The following C1orf50 variants were observed in gnomAD, a reference collection of about 807,000 sequenced individuals.
C1orf50 encodes the protein chromosome 1 open reading frame 50.
Under a neutral mutation model 23.3 loss-of-function variants are expected in C1orf50, and 22 were observed. That is an observed-to-expected ratio of 0.94 (90% confidence interval 0.67 to 1.35). The LOEUF (loss-of-function observed/expected upper bound fraction) is 1.35. Among genes scored for constraint, C1orf50 ranks in the 40% most tolerant of loss-of-function variants. The probability of loss-of-function intolerance (pLI) is 0.00; values close to 1 mark genes in which losing one functional copy is unlikely to be tolerated. For missense variants in C1orf50, 271 were observed against 249.4 expected (o/e 1.09, Z -0.58); for synonymous variants, 96 against 102.4 (o/e 0.94, Z 0.38).
intron 2 of C1orf50, 112 bp downstream of exon 2, chr1:42,767,736 C>A (rs1653110432): frequency 1.1e-6 from 1 of 950,394 alleles, no homozygotes; most frequent in Non-Finnish European, 1.6e-6. Context: ...TTGCTCTTGT[C>A]TCCATTTTAC....
chr1:42,769,091 C>T (rs1228056394), intron 2 of C1orf50, among the ~76,000 whole-genome samples: 1 of 151,860 alleles, frequency 6.6e-6, no homozygotes, highest in East Asian at 1.9e-4. Context: ...TGGTGAAACC[C>T]CGTCTCTACT....
chr1:42,774,621 A>G (rs1448251515), intron 3 of C1orf50, 116 bp from the exon 4 acceptor site: 2 of 1,118,484 alleles, frequency 1.8e-6, no homozygotes, highest in Non-Finnish European at 1.3e-6. Context: ...ATTCATTGCT[A>G]TGGGGGAGCA....
chr1:42,770,579 T>A (rs552836370), intron 2 of C1orf50, among the ~76,000 whole-genome samples: 27 of 152,202 alleles, frequency 1.8e-4, no homozygotes, highest in Non-Finnish European at 3.7e-4. Context: ...ATTATAGACA[T>A]GTGCCGCCAT....
At chr1:42,773,360 T>G in intron 2 of C1orf50, 1 of 451,978 alleles carries the variant, frequency 2.2e-6, no homozygotes, top group Non-Finnish European at 4.1e-6. Context: ...CTCTGTGGCG[T>G]GGAGTCATGT....
At position 42,778,814 on chromosome 1, in the gene C1orf50, C is replaced by G. The variant is rs1461775500; in HGVS notation, c.*3420C>G. On this transcript the variant is annotated 3_prime_UTR_variant, in exon 5 of 5. Coordinates refer to ENST00000372525, the MANE Select transcript of C1orf50 (RefSeq NM_024097.4). ...TGGACTGGGGAATATGAGAGAAGAA[C>G]TAATGGAAGGATTTGGGGAGGCTGG... The G allele has an allele frequency of 4.6e-5, 7 of 152,098 alleles. No individual in the cohort carries two copies. The highest frequency in any genetic ancestry group is 4.6e-4 in the Admixed American group (7 of 15,252). 9.4% of individuals were successfully genotyped at this position (152,098 alleles called of 1,614,324 possible).
At chr1:42,772,477 G>T (rs2124189789) in intron 2 of C1orf50, among the ~76,000 whole-genome samples, 1 of 152,254 alleles carries the variant, frequency 6.6e-6, no homozygotes, top group African/African-American at 2.4e-5. Flanking sequence ...TTGAGAATTT[G>T]ATCTATTTTA....
In C1orf50 at chr1:42,776,780, G is replaced by C. The variant is rs914085274; in HGVS notation, c.*1386G>C. The C allele has an allele frequency of 6.6e-6, 1 of 152,266 alleles. No homozygotes were observed. Among genetic ancestry groups the C allele is most frequent in the African/African-American group, 2.4e-5 (1 of 41,458 alleles). The allele number at this position is 152,266 out of a possible 1,614,324, so 9.4% of individuals were successfully genotyped here. On this transcript the variant is annotated 3_prime_UTR_variant, in exon 5 of 5. Transcript: ENST00000372525. ...AAGAGACATTAGTGGTAGAGTAGTGGATTCTGACTACAGAAAGTTTCCCAG... is the reference window on the plus strand; with the variant it reads ...AAGAGACATTAGTGGTAGAGTAGTGCATTCTGACTACAGAAAGTTTCCCAG...
Position 42,778,202 on chromosome 1 carries a change from C to G in C1orf50, c.*2808C>G, listed in dbSNP as rs1653376240. 6.6e-6 allele frequency: 1 copy of G among 152,048 alleles called. No individual in the cohort carries two copies. The highest frequency in any genetic ancestry group is 6.6e-5 in the Admixed American group (1 of 15,252). The allele number at this position is 152,048 out of a possible 1,614,324, so 9.4% of individuals were successfully genotyped here. A position where few individuals can be genotyped will look rare whatever the true frequency, so the allele number is the denominator to read the frequency against. On this transcript the variant is annotated 3_prime_UTR_variant, in exon 5 of 5. Transcript: ENST00000372525. Reference sequence around the variant, plus strand: ...TTCATTTACCCATCCATCTGTTCACCTGATAATTTCATTAGTGTTAAGTGC... The same window carrying G: ...TTCATTTACCCATCCATCTGTTCACGTGATAATTTCATTAGTGTTAAGTGC...
chr1:42,775,245 G>A lies in C1orf50; in HGVS notation c.451G>A (p.Ala151Thr). The change falls in exon 5 of 5, where the codon GCC becomes ACC. Residue 151 changes from alanine (A) to threonine (T), a missense_variant. By Grantham distance (58) the Ala-to-Thr change is moderately conservative. Coordinates refer to ENST00000372525, the MANE Select transcript of C1orf50 (RefSeq NM_024097.4). ...AAGTTGTCCACATGACTTCCTTGGT[G>A]CCTACAAACTACAGCATGACTTGTC... is the stretch of plus-strand genomic sequence containing the variant. ...GTSCPHDFLG[A>T]YKLQHDLSWT... 6.2e-7 allele frequency: 1 copy of A among 1,603,392 alleles called. No homozygotes were observed. The highest frequency in any genetic ancestry group is 8.5e-7 in the Non-Finnish European group (1 of 1,170,978).
At chr1:42,772,212 A>G (rs192341717) in intron 2 of C1orf50, among the ~76,000 whole-genome samples, 6 of 152,236 alleles carry the variant, frequency 3.9e-5, no homozygotes, top group African/African-American at 1.4e-4. Context: ...TAAATGACTC[A>G]GTTTACTTGT....
At position 42,774,646 on chromosome 1, in the gene C1orf50, G is replaced by T. The variant is rs1570495166; in HGVS notation, c.283-91G>T. 26 of 1,444,880 alleles carry T rather than the reference G, an allele frequency of 1.8e-5. No individual in the cohort carries two copies. The East Asian group carries it at 6.0e-4, about 33-fold the overall frequency. 89.5% of individuals were successfully genotyped at this position (1,444,880 alleles called of 1,614,324 possible). On this transcript the variant is annotated intron_variant, in intron 3 of 4. Transcript: ENST00000372525. ...ATGGGGGAGCAAGATCCTAAGCACT[G>T]AATGGTTTCCAAATTTTAATTGGGA...
intron 2 of C1orf50, among the ~76,000 whole-genome samples, chr1:42,772,550 G>A (rs550917501): frequency 1.4e-4 from 21 of 152,274 alleles, no homozygotes; most frequent in Admixed American, 1.2e-3. Context: ...GGAGGCCGAG[G>A]TGGGCGGATC....
At chr1:42,774,667 T>G in intron 3 of C1orf50, 70 bp from the exon 4 acceptor site, 1 of 1,513,244 alleles carries the variant, frequency 6.6e-7, no homozygotes, top group Non-Finnish European at 8.9e-7. Flanking sequence ...AAATTTTAAT[T>G]GGGATGATCA....
At position 42,775,640 on chromosome 1, in the gene C1orf50, G is replaced by A; in HGVS notation, c.*246G>A. On this transcript the variant is annotated 3_prime_UTR_variant, in exon 5 of 5. Coordinates refer to ENST00000372525, the MANE Select transcript of C1orf50 (RefSeq NM_024097.4). ...CCAAGTCAGTCAGTTTCAGAGTATT[G>A]GCCAGTGTACTTTCCTTCTTCCTCT... is the stretch of plus-strand genomic sequence containing the variant. 2.7e-6 allele frequency: 1 copy of A among 369,242 alleles called. No individual in the cohort carries two copies. The highest frequency in any genetic ancestry group is 4.9e-6 in the Non-Finnish European group (1 of 203,820). 22.9% of individuals were successfully genotyped at this position (369,242 alleles called of 1,614,324 possible).
rs758161425 is a variant in C1orf50, at chr1:42,767,281, G to A, written c.-31G>A. On this transcript the variant is annotated 5_prime_UTR_variant, in exon 1 of 5. Transcript: ENST00000372525. ...TGCGCAGGCTCTTCCTACTCGCACA[G>A]CCCAGGGAGTGGGGAGGATAAGGCG... 19 of 1,481,044 alleles carry A rather than the reference G, an allele frequency of 1.3e-5. No individual in the cohort carries two copies. The Admixed American group carries it at 1.7e-4, about 13-fold the overall frequency. 91.7% of individuals were successfully genotyped at this position (1,481,044 alleles called of 1,614,324 possible). A position where few individuals can be genotyped will look rare whatever the true frequency, so the allele number is the denominator to read the frequency against.
rs1267246264 is a variant in C1orf50, at chr1:42,767,292, G to C, written c.-20G>C. On this transcript the variant is annotated 5_prime_UTR_variant, in exon 1 of 5. Coordinates refer to ENST00000372525, the MANE Select transcript of C1orf50 (RefSeq NM_024097.4). ...TTCCTACTCGCACAGCCCAGGGAGT[G>C]GGGAGGATAAGGCGCTGTCATGGAG... 1.2e-5 allele frequency: 18 copies of C among 1,490,828 alleles called. No homozygotes were observed. Among genetic ancestry groups the C allele is most frequent in the Non-Finnish European group, 1.5e-5 (17 of 1,125,588 alleles). 92.3% of individuals were successfully genotyped at this position (1,490,828 alleles called of 1,614,324 possible). A position where few individuals can be genotyped will look rare whatever the true frequency, so the allele number is the denominator to read the frequency against.
At position 42,778,192 on chromosome 1, in the gene C1orf50, A is replaced by G. The variant is rs939558929; in HGVS notation, c.*2798A>G. 6.6e-6 allele frequency: 1 copy of G among 152,114 alleles called. No individual in the cohort carries two copies. The allele number at this position is 152,114 out of a possible 1,614,324, so 9.4% of individuals were successfully genotyped here. A position where few individuals can be genotyped will look rare whatever the true frequency, so the allele number is the denominator to read the frequency against. ...GTAATCACTTTTCATTTACCCATCC[A>G]TCTGTTCACCTGATAATTTCATTAG... is the stretch of plus-strand genomic sequence containing the variant. On this transcript the variant is annotated 3_prime_UTR_variant, in exon 5 of 5. Coordinates refer to ENST00000372525, the MANE Select transcript of C1orf50 (RefSeq NM_024097.4).
In C1orf50 at chr1:42,767,554, TGAG is replaced by T. The variant is rs1653100783; in HGVS notation, c.126_128del (p.Ser43del). The T allele has an allele frequency of 6.2e-7, 1 of 1,608,060 alleles. No individual in the cohort carries two copies. Among genetic ancestry groups the T allele is most frequent in the Non-Finnish European group, 8.5e-7 (1 of 1,178,108 alleles). On this transcript the variant is annotated inframe_deletion, in exon 2 of 5. Coordinates refer to ENST00000372525, the MANE Select transcript of C1orf50 (RefSeq NM_024097.4). ...CCGACCCCCGGCGGCCTGGCCCTGGTGAGCCCCTACCACACCCACCGGGCCGGG... is the reference window on the plus strand; with the variant it reads ...CCGACCCCCGGCGGCCTGGCCCTGGTCCCCTACCACACCCACCGGGCCGGG...
chr1:42,772,776 GTCTGA>G (rs1239773076), intron 2 of C1orf50, among the ~76,000 whole-genome samples: 1 of 89,042 alleles, frequency 1.1e-5, no homozygotes, highest in Non-Finnish European at 2.3e-5. Context: ...AACGAAAACT[GTCTGA>G]AAAAAAAAAA....
Sources: gnomAD v4.1 joint callset for allele counts (sites outside exome capture counted in the v4.1 genomes callset) on GRCh38, gnomAD v4.1.1 for gene constraint, MANE v1.5 for transcripts, NCBI Gene and HGNC (gene_info 2026-07-23, HGNC 2026-07-21) for gene names.